EIF4G3: variants seen among roughly 807,000 people sequenced by gnomAD.
The protein encoded by EIF4G3 is eukaryotic translation initiation factor 4 gamma 3, also known as eIF-4-gamma 3.
Under a neutral mutation model 186.4 loss-of-function variants are expected in EIF4G3, and 34 were observed. The ratio of observed to expected loss-of-function variants is 0.18; its 90% confidence interval spans 0.14 to 0.24. The LOEUF (loss-of-function observed/expected upper bound fraction) is 0.24, where lower values mean the gene tolerates loss of function less well. Ranked by LOEUF, EIF4G3 falls within the 10% of genes least tolerant of loss-of-function variation. The pLI is 1.00. For synonymous variants in EIF4G3, 673 were observed against 679.5 expected (o/e 0.99, Z 0.15); for missense variants, 1,536 against 1,948.5 (o/e 0.79, Z 3.99).
intron 2 of EIF4G3, among the ~76,000 whole-genome samples, chr1:21,143,318 A>G (rs1014440822): frequency 6.6e-5 from 10 of 151,620 alleles, no homozygotes; most frequent in Non-Finnish European, 1.3e-4. Context: ...AAGAAAGAGA[A>G]AGGAGAGCAA....
At chr1:20,924,110 A>T (rs1390929173) in intron 14 of EIF4G3, among the ~76,000 whole-genome samples, 1 of 152,130 alleles carries the variant, frequency 6.6e-6, no homozygotes, top group Non-Finnish European at 1.5e-5. Context: ...TTCCAGTTTG[A>T]ATATCTTCTC....
chr1:20,887,389 A>C (rs934842126), intron 18 of EIF4G3, among the ~76,000 whole-genome samples: 1 of 152,180 alleles, frequency 6.6e-6, no homozygotes, highest in African/African-American at 2.4e-5. Flanking sequence ...CTAGACTTTA[A>C]TGTCATTCAT....
intron 7 of EIF4G3, among the ~76,000 whole-genome samples, chr1:20,986,744 CAAAAAAAAAAAAAAA>C (rs61255473): frequency 0.015 from 1,026 of 66,346 alleles, 11 homozygotes; most frequent in Middle Eastern, 0.057. Flanking sequence ...GCTCTGTCTC[CAAAAAAAAAAAAAAA>C]AAAAAAAAAA....
At chr1:20,807,600 ATTCCCCC>A in intron 36 of EIF4G3, 100 bp from the exon 37 acceptor site, 2 of 1,076,918 alleles carry the variant, frequency 1.9e-6, no homozygotes, top group Admixed American at 3.1e-5. Flanking sequence ...ATGTGCATTA[ATTCCCCC>A]AGAAAAAAGC....
At position 21,024,031 on chromosome 1, in the gene EIF4G3, C is replaced by T. The variant is rs1258382386; in HGVS notation, c.-66-21223G>A. Among the ~76,000 whole-genome samples the T allele has an allele frequency of 1.1e-4, 16 of 150,132 alleles. No individual in the cohort carries two copies. The East Asian group carries it at 2.4e-3, about 22-fold the overall frequency. On this transcript the variant is annotated intron_variant, in intron 4 of 36. Coordinates refer to ENST00000602326, the MANE Select transcript of EIF4G3 (RefSeq NM_001391906.1). ...GAGACCCTCTGCCTGGCAACCACCC[C>T]GTCTGAGAAGTGAGGAGACCCTCCG...
chr1:21,141,145 T>C (rs751154887), intron 2 of EIF4G3, among the ~76,000 whole-genome samples: 10 of 152,132 alleles, frequency 6.6e-5, no homozygotes, highest in South Asian at 2.1e-4. Context: ...TATTTCAAAA[T>C]AGAAAACCCC....
At chr1:21,104,620 T>C (rs1055318893) in intron 2 of EIF4G3, among the ~76,000 whole-genome samples, 1 of 152,214 alleles carries the variant, frequency 6.6e-6, no homozygotes, top group South Asian at 2.1e-4. Flanking sequence ...ATACTGCTAG[T>C]GTGGAAATGT....
At chr1:21,164,582 C>A (rs1227925585) in intron 2 of EIF4G3, among the ~76,000 whole-genome samples, 1 of 152,018 alleles carries the variant, frequency 6.6e-6, no homozygotes, top group East Asian at 1.9e-4. Context: ...AAAAACTAGG[C>A]AGGAGTGGTG....
At chr1:20,895,617 T>C (rs1203184291) in intron 16 of EIF4G3, 116 bp from the exon 17 acceptor site, 8 of 1,144,150 alleles carry the variant, frequency 7.0e-6, no homozygotes, top group Non-Finnish European at 9.9e-6. Flanking sequence ...TACAACATTA[T>C]AGCCCATAAG....
intron 2 of EIF4G3, among the ~76,000 whole-genome samples, chr1:21,141,367 T>C (rs2097333477): frequency 1.0e-5 from 1 of 97,232 alleles, no homozygotes. Flanking sequence ...TTGAGAAAAA[T>C]ATTTTTTCTT....
At chr1:21,008,462 G>A (rs1022132567) in intron 4 of EIF4G3, among the ~76,000 whole-genome samples, 6 of 151,650 alleles carry the variant, frequency 4.0e-5, no homozygotes, top group Admixed American at 1.3e-4. Context: ...TCAGCCTCCC[G>A]AGTAGCTGGG....
chr1:20,999,325 T>C, intron 6 of EIF4G3: 1 of 365,632 alleles, frequency 2.7e-6, no homozygotes. Context: ...ATTTTCAGTT[T>C]TCCAATTAGG....
intron 19 of EIF4G3, among the ~76,000 whole-genome samples, chr1:20,881,779 C>T (rs1006746716): frequency 6.6e-6 from 1 of 151,150 alleles, no homozygotes; most frequent in African/African-American, 2.4e-5. Flanking sequence ...CAAAGTGAGA[C>T]CCTGTCTCAA....
At chr1:21,106,129 G>A (rs1188747251) in intron 2 of EIF4G3, among the ~76,000 whole-genome samples, 1 of 150,450 alleles carries the variant, frequency 6.6e-6, no homozygotes, top group African/African-American at 2.4e-5. Context: ...ATTAGAGTTT[G>A]GAAATTTAAG....
At chr1:20,910,910 C>G (rs1013393306) in intron 14 of EIF4G3, among the ~76,000 whole-genome samples, 10 of 152,272 alleles carry the variant, frequency 6.6e-5, no homozygotes, top group African/African-American at 2.2e-4. Context: ...AATATGCAGG[C>G]TACATACTTG....
At chr1:20,864,740 CT>C (rs1285560024) in intron 21 of EIF4G3, 28 bp from the exon 22 acceptor site, 1 of 1,567,730 alleles carries the variant, frequency 6.4e-7, no homozygotes, top group East Asian at 2.2e-5. Flanking sequence ...ATAATAGCAT[CT>C]TGATGATGAA....
chr1:20,813,726 G>A (rs2059744075), intron 34 of EIF4G3, among the ~76,000 whole-genome samples: 1 of 151,566 alleles, frequency 6.6e-6, no homozygotes, highest in African/African-American at 2.4e-5. Context: ...AATCAGCTGG[G>A]TATGGTGGCA....
At chr1:20,935,417 G>A (rs1023690607) in intron 14 of EIF4G3, among the ~76,000 whole-genome samples, 3 of 152,132 alleles carry the variant, frequency 2.0e-5, no homozygotes, top group Non-Finnish European at 4.4e-5. Context: ...AATAGAAAAT[G>A]AAGAAAAGAA....
chr1:20,854,556 T>A (rs1344785437), intron 26 of EIF4G3, among the ~76,000 whole-genome samples: 2 of 127,098 alleles, frequency 1.6e-5, no homozygotes, highest in African/African-American at 2.7e-5. Context: ...AAAAAAAAAA[T>A]CAGCCAGGTG....
Sources: gnomAD v4.1 joint callset for allele counts (sites outside exome capture counted in the v4.1 genomes callset) on GRCh38, gnomAD v4.1.1 for gene constraint, MANE v1.5 for transcripts, NCBI Gene and HGNC (gene_info 2026-07-23, HGNC 2026-07-21) for gene names.